SUCO: variants seen among roughly 807,000 people sequenced by gnomAD.
The protein encoded by SUCO is SUN domain-containing ossification factor.
SUCO carries 57 observed loss-of-function variants against 148.1 expected under a neutral mutation model. That is an observed-to-expected ratio of 0.38 (90% CI 0.31 to 0.48). SUCO has a LOEUF of 0.48. Among genes scored for constraint, SUCO ranks in the 20% least tolerant of loss-of-function variants. The pLI is 0.96. For missense variants in SUCO, 1,331 were observed against 1,468.2 expected, an observed-to-expected ratio of 0.91 and a Z score of 1.53; for synonymous variants, 470 against 502.7, an observed-to-expected ratio of 0.93 and a Z score of 0.87.
intron 1 of SUCO, among the ~76,000 whole-genome samples, chr1:172,551,099 A>G (rs1398818411): frequency 6.6e-6 from 1 of 152,040 alleles, no homozygotes; most frequent in East Asian, 1.9e-4. Context: ...TCTATGCAAA[A>G]ATAATTTGGA....
chr1:172,546,599 A>G (rs1188464588), intron 1 of SUCO, among the ~76,000 whole-genome samples: 1 of 152,160 alleles, frequency 6.6e-6, no homozygotes, highest in Non-Finnish European at 1.5e-5. Flanking sequence ...TAATTACAGG[A>G]TCTTGAACAA....
chr1:172,535,284 C>T (rs1220971903), intron 1 of SUCO, among the ~76,000 whole-genome samples: 1 of 152,118 alleles, frequency 6.6e-6, no homozygotes, highest in Non-Finnish European at 1.5e-5. Context: ...GAAACTTTAG[C>T]TTAAGAAACT....
intron 4 of SUCO, 130 bp from the exon 5 acceptor site, chr1:172,557,150 G>C (rs1294379755): frequency 8.5e-6 from 12 of 1,405,216 alleles, no homozygotes; most frequent in Non-Finnish European, 1.0e-5. Flanking sequence ...GTCAGCAATT[G>C]ACTTTACATG....
chr1:172,584,398 A>G, intron 15 of SUCO: 2 of 924,592 alleles, frequency 2.2e-6, no homozygotes, highest in Non-Finnish European at 1.3e-6. Flanking sequence ...CCCAGTACAG[A>G]CTGTATGTTG....
At chr1:172,557,603 G>A in intron 5 of SUCO, 41 bp from the exon 6 acceptor site, 2 of 1,527,476 alleles carry the variant, frequency 1.3e-6, no homozygotes, top group East Asian at 4.6e-5. Flanking sequence ...TTGTTATCCA[G>A]TAAAATCTGT....
intron 17 of SUCO, chr1:172,588,485 TAAAC>T: frequency 1.0e-6 from 1 of 985,198 alleles, no homozygotes; most frequent in Non-Finnish European, 1.2e-6. Flanking sequence ...AAACAATTCT[TAAAC>T]AGATTAAAAG....
At chr1:172,577,396 TAAG>T (rs1277688812) in intron 11 of SUCO, 140 bp from the exon 12 acceptor site, 2 of 735,628 alleles carry the variant, frequency 2.7e-6, no homozygotes, top group South Asian at 2.8e-5. Context: ...TGCAAGGAAT[TAAG>T]AATACTACAG....
chr1:172,586,679 A>C (rs537776833), intron 17 of SUCO, among the ~76,000 whole-genome samples: 12 of 152,254 alleles, frequency 7.9e-5, no homozygotes, highest in African/African-American at 2.9e-4. Flanking sequence ...GAACAACTCT[A>C]CTTAAAGAGT....
chr1:172,570,781 A>C (rs1654902583), intron 9 of SUCO, 51 bp downstream of exon 9: 1 of 1,106,466 alleles, frequency 9.0e-7, no homozygotes, highest in Non-Finnish European at 1.4e-6. Flanking sequence ...TATGCATATT[A>C]TGTTAAGCTT....
rs1409947920 is a variant in SUCO, at chr1:172,578,257, T to C, written c.1341-41T>C. On this transcript the variant is annotated intron_variant, in intron 13 of 23. Coordinates refer to ENST00000263688, the MANE Select transcript of SUCO (RefSeq NM_014283.5). ...TTGTGAAGAGATTAGTCTTAACGAG[T>C]GTTTTGTTTTGGAAGTCTTTAATGA... 8.1e-6 allele frequency: 11 copies of C among 1,360,608 alleles called. No individual in the cohort carries two copies. In the South Asian group the frequency reaches 1.1e-4, roughly 13 times the overall value. The allele number at this position is 1,360,608 out of a possible 1,614,324, so 84.3% of individuals were successfully genotyped here. A position where few individuals can be genotyped will look rare whatever the true frequency, so the allele number is the denominator to read the frequency against.
At chr1:172,539,653 G>A (rs866318135) in intron 1 of SUCO, among the ~76,000 whole-genome samples, 22 of 152,210 alleles carry the variant, frequency 1.4e-4, no homozygotes, top group African/African-American at 3.8e-4. Context: ...ATTATGTAGC[G>A]TTTGTAATCT....
chr1:172,532,587 C>T (rs372627411), upstream of SUCO: 2 of 1,614,010 alleles, frequency 1.2e-6, no homozygotes, highest in Non-Finnish European at 1.7e-6. Flanking sequence ...ACACACACGT[C>T]ATTCTAGGCC....
At chr1:172,549,940 T>G (rs1309582369) in intron 1 of SUCO, among the ~76,000 whole-genome samples, 1 of 151,804 alleles carries the variant, frequency 6.6e-6, no homozygotes, top group Non-Finnish European at 1.5e-5. Flanking sequence ...AGCAGTAGGT[T>G]TAAGAAAAGA....
At chr1:172,600,202 G>T (rs758216050) in intron 20 of SUCO, 34 bp downstream of exon 20, 1 of 1,426,420 alleles carries the variant, frequency 7.0e-7, no homozygotes, top group South Asian at 1.2e-5. Context: ...GAGACCCAAT[G>T]CATGTATAGA....
At chr1:172,535,724 G>T (rs1651963368) in intron 1 of SUCO, among the ~76,000 whole-genome samples, 1 of 152,090 alleles carries the variant, frequency 6.6e-6, no homozygotes, top group African/African-American at 2.4e-5. Context: ...TTTGTGATCC[G>T]TTTCTGTTTT....
chr1:172,587,109 A>G lies in SUCO; in HGVS notation c.1658+1161A>G, dbSNP rs564228882. ...TACACACTTTCATACACATATGTGC[A>G]CAAGTAGGAATATTTGTTGAAAGCT... On this transcript the variant is annotated intron_variant, in intron 17 of 23. Transcript: ENST00000263688. Among the ~76,000 whole-genome samples the G allele has an allele frequency of 2.1e-3, 199 of 94,290 alleles. 2 individuals are homozygous for G. Among genetic ancestry groups the G allele is most frequent in the African/African-American group, 9.5e-3 (194 of 20,378 alleles). The allele number at this position is 94,290 out of a possible 152,430, so 61.9% of individuals were successfully genotyped here.
intron 15 of SUCO, among the ~76,000 whole-genome samples, chr1:172,580,969 C>T (rs367894891): frequency 1.2e-4 from 14 of 117,292 alleles, no homozygotes; most frequent in South Asian, 3.2e-4. Flanking sequence ...AAGCATGGTG[C>T]GTGCGCCTAT....
upstream of SUCO, chr1:172,532,484 C>A (rs1009606390): frequency 8.1e-6 from 13 of 1,612,432 alleles, no homozygotes; most frequent in Non-Finnish European, 9.3e-6. Context: ...TGAGAGGATT[C>A]TTGGCACGCC....
At chr1:172,566,681 AG>A (rs971067042) in intron 6 of SUCO, among the ~76,000 whole-genome samples, 2 of 152,244 alleles carry the variant, frequency 1.3e-5, no homozygotes, top group Non-Finnish European at 2.9e-5. Flanking sequence ...ATGCAAATTA[AG>A]GGGTGGTTTA....
Sources: gnomAD v4.1 joint callset for allele counts (sites outside exome capture counted in the v4.1 genomes callset) on GRCh38, gnomAD v4.1.1 for gene constraint, MANE v1.5 for transcripts, NCBI Gene and HGNC (gene_info 2026-07-23, HGNC 2026-07-21) for gene names.